Variants in TNRC6A observed in about 807,000 individuals in gnomAD.
The protein encoded by TNRC6A is trinucleotide repeat-containing gene 6A protein.
A neutral mutation model predicts 221.2 loss-of-function variants in TNRC6A; 44 were observed. The observed-to-expected ratio is 0.20, with a 90% CI of 0.16 to 0.26. TNRC6A has a LOEUF of 0.26. Among genes scored for constraint, TNRC6A ranks in the 10% least tolerant of loss-of-function variants. The pLI, the probability that TNRC6A is intolerant of heterozygous loss-of-function variation, is 1.00. For synonymous variants in TNRC6A, 847 were observed against 838.5 expected, an observed-to-expected ratio of 1.01 and a Z score of -0.18; for missense variants, 2,199 against 2,404.4, an observed-to-expected ratio of 0.91 and a Z score of 1.79.
chr16:24,806,892 C>T, intron 17 of TNRC6A, 108 bp downstream of exon 17: 1 of 1,061,230 alleles, frequency 9.4e-7, no homozygotes, highest in South Asian at 1.4e-5. Flanking sequence ...CTACATTGAT[C>T]TCTTAGCTGT....
intron 2 of TNRC6A, among the ~76,000 whole-genome samples, chr16:24,679,616 A>G (rs1371658431): frequency 6.6e-6 from 1 of 152,134 alleles, no homozygotes; most frequent in Non-Finnish European, 1.5e-5. Flanking sequence ...AGCTGGGACT[A>G]CAGGCACACG....
chr16:24,666,660 AAAAAAAAAAT>A (rs1342615173), intron 2 of TNRC6A, among the ~76,000 whole-genome samples: 1 of 119,206 alleles, frequency 8.4e-6, no homozygotes, highest in African/African-American at 3.6e-5. Context: ...AAAAAAAAAA[AAAAAAAAAAT>A]ATATATATAT....
intron 2 of TNRC6A, among the ~76,000 whole-genome samples, chr16:24,691,794 A>G (rs1263087729): frequency 6.8e-6 from 1 of 147,050 alleles, no homozygotes; most frequent in African/African-American, 2.5e-5. Context: ...TAAAAGAAGG[A>G]AGGGAGGGAG....
intron 2 of TNRC6A, among the ~76,000 whole-genome samples, chr16:24,733,307 G>A (rs2056687571): frequency 6.6e-6 from 1 of 152,194 alleles, no homozygotes; most frequent in Non-Finnish European, 1.5e-5. Flanking sequence ...AAGATGTGTT[G>A]CCATTCTCCT....
At chr16:24,626,882 G>T (rs1453193412) in intron 1 of TNRC6A, among the ~76,000 whole-genome samples, 2 of 150,504 alleles carry the variant, frequency 1.3e-5, no homozygotes, top group Non-Finnish European at 2.9e-5. Flanking sequence ...TCGATCTCCT[G>T]ACCTCGTGAT....
At chr16:24,815,952 G>C (rs1199677516) in intron 19 of TNRC6A, 1 of 153,346 alleles carries the variant, frequency 6.5e-6, no homozygotes, top group Non-Finnish European at 1.5e-5. Context: ...TCTATGGCCT[G>C]CTTTCTCCTA....
chr16:24,794,750 C>CT, intron 8 of TNRC6A, 31 bp downstream of exon 8: 1 of 1,572,452 alleles, frequency 6.4e-7, no homozygotes, highest in Non-Finnish European at 8.6e-7. Context: ...GCCCTTGAAA[C>CT]TTTAAATTCC....
chr16:24,625,971 C>A (rs564032445), intron 1 of TNRC6A, among the ~76,000 whole-genome samples: 1 of 152,080 alleles, frequency 6.6e-6, no homozygotes, highest in Non-Finnish European at 1.5e-5. Context: ...CTAAGAGATT[C>A]TAATTTATAT....
intron 2 of TNRC6A, among the ~76,000 whole-genome samples, chr16:24,714,142 G>A (rs1476841207): frequency 6.6e-6 from 1 of 151,634 alleles, no homozygotes; most frequent in Non-Finnish European, 1.5e-5. Flanking sequence ...TCTCATTTAG[G>A]GTCTCCTATA....
intron 1 of TNRC6A, among the ~76,000 whole-genome samples, chr16:24,614,656 T>A (rs1490510301): frequency 6.6e-6 from 1 of 152,194 alleles, no homozygotes; most frequent in Non-Finnish European, 1.5e-5. Context: ...GTAATGAAAT[T>A]TGGGCCATAT....
chr16:24,806,895 T>G, intron 17 of TNRC6A, 111 bp downstream of exon 17: 3 of 1,034,656 alleles, frequency 2.9e-6, no homozygotes, highest in Non-Finnish European at 4.3e-6. Context: ...CATTGATCTC[T>G]TAGCTGTTCC....
chr16:24,786,300 T>TTTG (rs796303366), intron 5 of TNRC6A, among the ~76,000 whole-genome samples: 1 of 116,858 alleles, frequency 8.6e-6, no homozygotes, highest in South Asian at 2.8e-4. Context: ...TTTGTTTTTT[T>TTTG]TTGTTGTTGT....
At chr16:24,804,667 T>G (rs753329981) in intron 12 of TNRC6A, 38 bp from the exon 13 acceptor site, 2 of 1,542,280 alleles carry the variant, frequency 1.3e-6, no homozygotes, top group Admixed American at 4.6e-5. Context: ...ACTTGTTTGC[T>G]TGGCTGGTGT....
chr16:24,703,035 A>AAAAATAAAAT (rs71156434), intron 2 of TNRC6A, among the ~76,000 whole-genome samples: 4,999 of 147,846 alleles, frequency 0.034, 117 homozygotes, highest in Middle Eastern at 0.089. Flanking sequence ...ACTCTGTGTC[A>AAAAATAAAAT]AAAATAAAAT....
intron 4 of TNRC6A, among the ~76,000 whole-genome samples, chr16:24,763,151 C>CT (rs1459705360): frequency 6.6e-6 from 1 of 152,156 alleles, no homozygotes; most frequent in Non-Finnish European, 1.5e-5. Context: ...CTAAAATCTC[C>CT]TGCATGCTTT....
At chr16:24,803,327 G>A (rs1375605347) in intron 11 of TNRC6A, 1 of 152,172 alleles carries the variant, frequency 6.6e-6, no homozygotes, top group Non-Finnish European at 1.5e-5. Flanking sequence ...GCTGAGGCAG[G>A]AGGATTGCTT....
Position 24,791,184 on chromosome 16 carries a change from G to T in TNRC6A, c.2542G>T (p.Gly848Trp). ...GWGDGQKSSQ[G>W]WSVSASDNWG... ...GGGTGATGGACAAAAATCAAGCCAAGGGTGGTCTGTTTCTGCCAGTGATAA... is the reference window on the plus strand; with the variant it reads ...GGGTGATGGACAAAAATCAAGCCAATGGTGGTCTGTTTCTGCCAGTGATAA... Residue 848 changes from glycine (G) to tryptophan (W), a missense_variant, in exon 6 of 25, where the codon GGG (glycine) becomes TGG (tryptophan). By Grantham distance (184) the Gly-to-Trp change is radical (BLOSUM62 -2). This residue lies in a region of TNRC6A where 1,405 missense variants were observed against 1,400.2 expected (regional missense o/e 1.00). Transcript: ENST00000395799. The T allele has an allele frequency of 6.2e-7, 1 of 1,614,120 alleles. No individual in the cohort carries two copies. The highest frequency in any genetic ancestry group is 8.5e-7 in the Non-Finnish European group (1 of 1,180,024).
intron 2 of TNRC6A, among the ~76,000 whole-genome samples, chr16:24,738,804 TA>T (rs1187244029): frequency 6.6e-6 from 1 of 152,216 alleles, no homozygotes; most frequent in Admixed American, 6.5e-5. Flanking sequence ...GTTATATACC[TA>T]GGGGTGGAAT....
At chr16:24,691,275 T>C (rs958075089) in intron 2 of TNRC6A, among the ~76,000 whole-genome samples, 4 of 152,064 alleles carry the variant, frequency 2.6e-5, no homozygotes, top group Non-Finnish European at 5.9e-5. Context: ...TGGGGTGCAG[T>C]GGTGCAGTCA....
Sources: gnomAD v4.1 joint callset for allele counts (sites outside exome capture counted in the v4.1 genomes callset) on GRCh38, gnomAD v4.1.1 for gene constraint, gnomAD v4.1.1 regional missense constraint, MANE v1.5 for transcripts, NCBI Gene and HGNC (gene_info 2026-07-23, HGNC 2026-07-21) for gene names.